The following EGFLAM variants were observed in gnomAD, a reference collection of about 807,000 sequenced individuals.
The protein encoded by EGFLAM is pikachurin.
EGFLAM carries 79 observed loss-of-function variants against 113.1 expected under a neutral mutation model. The observed-to-expected ratio is 0.70, with a 90% confidence interval of 0.58 to 0.84. The LOEUF is 0.84. Among genes scored for constraint, EGFLAM ranks in the 40% least tolerant of loss-of-function variants. The pLI, the probability that EGFLAM is intolerant of heterozygous loss-of-function variation, is 0.00. For synonymous variants in EGFLAM, 504 were observed against 487.6 expected, an observed-to-expected ratio of 1.03 and a Z score of -0.44; for missense variants, 1,265 against 1,291.6, an observed-to-expected ratio of 0.98 and a Z score of 0.32.
At chr5:38,280,256 A>G (rs764331993) in intron 1 of EGFLAM, among the ~76,000 whole-genome samples, 9 of 152,240 alleles carry the variant, frequency 5.9e-5, no homozygotes, top group Non-Finnish European at 7.3e-5. Context: ...CTTTACCCAT[A>G]GTGAGTTTCC....
At chr5:38,276,731 G>A (rs1181295997) in intron 1 of EGFLAM, among the ~76,000 whole-genome samples, 3 of 151,912 alleles carry the variant, frequency 2.0e-5, no homozygotes, top group Non-Finnish European at 4.4e-5. Flanking sequence ...GGATGAAAAA[G>A]GATGTATTAC....
chr5:38,273,059 A>G (rs1193739856), intron 1 of EGFLAM, among the ~76,000 whole-genome samples: 3 of 152,190 alleles, frequency 2.0e-5, no homozygotes, highest in African/African-American at 7.2e-5. Context: ...GTTAGAGACC[A>G]CTGTATCTAG....
chr5:38,325,215 T>C (rs1738847962), intron 1 of EGFLAM, among the ~76,000 whole-genome samples: 1 of 152,178 alleles, frequency 6.6e-6, no homozygotes, highest in Non-Finnish European at 1.5e-5. Flanking sequence ...AGAAATTCTC[T>C]ACCTGGCTCC....
chr5:38,461,544 G>T (rs975310992), intron 20 of EGFLAM, among the ~76,000 whole-genome samples: 2 of 151,970 alleles, frequency 1.3e-5, no homozygotes, highest in African/African-American at 2.4e-5. Context: ...GGCAAGCAAG[G>T]CAAGCTGTTG....
chr5:38,430,414 A>C (rs1404643838), intron 14 of EGFLAM, among the ~76,000 whole-genome samples: 1 of 152,236 alleles, frequency 6.6e-6, no homozygotes, highest in Non-Finnish European at 1.5e-5. Flanking sequence ...AAATAAAACA[A>C]TAAATGCAAT....
At chr5:38,316,053 G>T (rs1046597482) in intron 1 of EGFLAM, among the ~76,000 whole-genome samples, 3 of 142,742 alleles carry the variant, frequency 2.1e-5, no homozygotes, top group Non-Finnish European at 4.5e-5. Flanking sequence ...CCCCAGCCTG[G>T]GCAACAGAGC....
chr5:38,380,512 A>G (rs769230891), intron 6 of EGFLAM, among the ~76,000 whole-genome samples: 1 of 152,224 alleles, frequency 6.6e-6, no homozygotes, highest in Non-Finnish European at 1.5e-5. Context: ...GGAAAGGCCA[A>G]TGAGTCAGTG....
At chr5:38,283,484 T>G (rs771349316) in intron 1 of EGFLAM, among the ~76,000 whole-genome samples, 4 of 152,190 alleles carry the variant, frequency 2.6e-5, no homozygotes, top group Non-Finnish European at 4.4e-5. Context: ...ATATAGTGCC[T>G]GCTATGTGCC....
At chr5:38,438,566 G>A (rs886286957) in intron 17 of EGFLAM, 111 bp downstream of exon 17, 3 of 1,078,090 alleles carry the variant, frequency 2.8e-6, no homozygotes, top group Non-Finnish European at 3.7e-6. Flanking sequence ...TACAACCATA[G>A]TGGTTATTTT....
intron 5 of EGFLAM, among the ~76,000 whole-genome samples, chr5:38,358,754 C>G (rs181759000): frequency 6.6e-6 from 1 of 152,112 alleles, no homozygotes; most frequent in Non-Finnish European, 1.5e-5. Context: ...TGATCCCCCC[C>G]AAAGTTGGTC....
chr5:38,365,550 A>G (rs1031222475), intron 5 of EGFLAM, among the ~76,000 whole-genome samples: 1 of 152,166 alleles, frequency 6.6e-6, no homozygotes, highest in African/African-American at 2.4e-5. Context: ...TTCTAGGGGG[A>G]AAAGTTCAGT....
intron 5 of EGFLAM, among the ~76,000 whole-genome samples, chr5:38,353,615 G>A (rs975800352): frequency 2.6e-4 from 39 of 152,232 alleles, no homozygotes; most frequent in African/African-American, 9.4e-4. Flanking sequence ...AGTACAGAGT[G>A]TTTCACACAG....
In EGFLAM at chr5:38,383,940, G is replaced by A. The variant is rs1025039000; in HGVS notation, c.712+13478G>A. Among the ~76,000 whole-genome samples the A allele has an allele frequency of 2.0e-5, 3 of 152,104 alleles. No homozygotes were observed. In the South Asian group the frequency reaches 6.2e-4, roughly 32 times the overall value. On this transcript the variant is annotated intron_variant, in intron 6 of 21. Transcript: ENST00000322350. Reference sequence around the variant, plus strand: ...TGGTGAGTGAGAAAAATGATAGGAAGTGAGGTCAGAAAGTTTGCCAGGGGT... The same window carrying A: ...TGGTGAGTGAGAAAAATGATAGGAAATGAGGTCAGAAAGTTTGCCAGGGGT...
chr5:38,311,502 G>A (rs986923622), intron 1 of EGFLAM, among the ~76,000 whole-genome samples: 1 of 152,184 alleles, frequency 6.6e-6, no homozygotes, highest in Non-Finnish European at 1.5e-5. Context: ...TTTCATCCAT[G>A]CTGTTGCAAA....
chr5:38,321,347 G>C (rs1579769099), intron 1 of EGFLAM, among the ~76,000 whole-genome samples: 1 of 152,310 alleles, frequency 6.6e-6, no homozygotes, highest in Non-Finnish European at 1.5e-5. Flanking sequence ...GGGACTGACT[G>C]TAAATACAGA....
At chr5:38,412,853 G>A (rs192566831) in intron 11 of EGFLAM, among the ~76,000 whole-genome samples, 1 of 152,192 alleles carries the variant, frequency 6.6e-6, no homozygotes, top group East Asian at 1.9e-4. Context: ...AGCTTTCAGG[G>A]CACACATCCA....
chr5:38,397,855 C>T (rs767352783), intron 6 of EGFLAM, among the ~76,000 whole-genome samples: 3 of 152,146 alleles, frequency 2.0e-5, no homozygotes, highest in Non-Finnish European at 4.4e-5. Context: ...ACAGCAGAAG[C>T]AGGTGAGAGA....
chr5:38,351,456 G>A (rs1172115818), intron 4 of EGFLAM, among the ~76,000 whole-genome samples: 1 of 152,130 alleles, frequency 6.6e-6, no homozygotes, highest in East Asian at 1.9e-4. Context: ...CACACAGGAG[G>A]GCGCACTTCC....
intron 1 of EGFLAM, among the ~76,000 whole-genome samples, chr5:38,329,129 A>C (rs1738971070): frequency 6.6e-6 from 1 of 151,810 alleles, no homozygotes; most frequent in African/African-American, 2.4e-5. Flanking sequence ...TACAATAATA[A>C]GGAGAAGTAG....
Sources: allele counts gnomAD v4.1 joint callset (sites outside exome capture counted in the v4.1 genomes callset), GRCh38; gene constraint gnomAD v4.1.1; transcripts MANE v1.5; gene names NCBI Gene and HGNC (gene_info 2026-07-23, HGNC 2026-07-21).